Variants in FAAP20 observed in about 807,000 individuals in gnomAD.
FAAP20 encodes FA core complex associated protein 20, also known as Fanconi anemia core complex-associated protein 20.
A neutral mutation model predicts 16.2 loss-of-function variants in FAAP20; 12 were observed. That is an observed-to-expected ratio of 0.74 (90% CI 0.48 to 1.20). The LOEUF (loss-of-function observed/expected upper bound fraction) is 1.20, where lower values mean the gene tolerates loss of function less well. FAAP20 is among the 50% of genes most tolerant of loss of function. The pLI is 0.00. For missense variants in FAAP20, 288 were observed against 245.8 expected, an observed-to-expected ratio of 1.17 and a Z score of -1.15; for synonymous variants, 141 against 110.7, an observed-to-expected ratio of 1.27 and a Z score of -1.72.
At chr1:2,186,497 C>CA (rs921172617), downstream of FAAP20, among the ~76,000 whole-genome samples, 1 of 56,548 alleles carries the variant, frequency 1.8e-5, no homozygotes, top group Admixed American at 1.9e-4. Context: ...TGGACACCCG[C>CA]CCCCCCCCGG....
upstream of FAAP20, chr1:2,201,341 G>A (rs937807936): frequency 6.1e-6 from 5 of 820,090 alleles, no homozygotes; most frequent in Non-Finnish European, 7.7e-6. Context: ...GGAAGGACTG[G>A]GACACCCGTG....
chr1:2,189,502 A>G, downstream of FAAP20: 1 of 605,262 alleles, frequency 1.7e-6, no homozygotes, highest in Non-Finnish European at 3.0e-6. Context: ...ATTGCACTGC[A>G]GTGAATCTGC....
upstream of FAAP20, chr1:2,200,942 G>C (rs1689025726): frequency 7.6e-6 from 9 of 1,179,424 alleles, no homozygotes; most frequent in South Asian, 1.3e-4. Flanking sequence ...AATCAGCTTT[G>C]TCCCCAGTTC....
At chr1:2,202,231 C>A (rs1387450355), upstream of FAAP20, among the ~76,000 whole-genome samples, 1 of 152,212 alleles carries the variant, frequency 6.6e-6, no homozygotes, top group African/African-American at 2.4e-5. Context: ...CTCTCCCCTA[C>A]CAGGTACCCG....
downstream of FAAP20, among the ~76,000 whole-genome samples, chr1:2,189,364 G>T (rs1004724909): frequency 2.0e-5 from 3 of 151,678 alleles, no homozygotes; most frequent in African/African-American, 7.3e-5. Flanking sequence ...AACCGTGACT[G>T]CACATGAGCT....
At chr1:2,194,940 G>T (rs1358874507), upstream of FAAP20, among the ~76,000 whole-genome samples, 1 of 151,880 alleles carries the variant, frequency 6.6e-6, no homozygotes, top group Non-Finnish European at 1.5e-5. Context: ...CACCGCACAG[G>T]GGGGCCTGGC....
chr1:2,200,310 G>C (rs866110308), upstream of FAAP20: 1 of 151,844 alleles, frequency 6.6e-6, no homozygotes, highest in South Asian at 2.1e-4. Context: ...CAGGAGAATC[G>C]CTTGAACCCA....
downstream of FAAP20, chr1:2,186,953 T>C: frequency 3.6e-6 from 1 of 274,894 alleles, no homozygotes; most frequent in South Asian, 3.2e-5. Flanking sequence ...CAGTAATTTG[T>C]TTTATAAATT....
At chr1:2,187,892 G>A (rs530438347), downstream of FAAP20, among the ~76,000 whole-genome samples, 38 of 152,326 alleles carry the variant, frequency 2.5e-4, 1 homozygote, top group South Asian at 3.5e-3. Flanking sequence ...CCCATGCCCC[G>A]GAGACCTCCT....
chr1:2,191,845 G>A, intron 3 of FAAP20: 1 of 985,426 alleles, frequency 1.0e-6, no homozygotes. Context: ...CAGGTGCCCA[G>A]CTTCCCATCC....
At chr1:2,192,903 T>G in intron 3 of FAAP20, 3 of 1,303,428 alleles carry the variant, frequency 2.3e-6, no homozygotes, top group Non-Finnish European at 3.0e-6. Context: ...CCCGGCCTTT[T>G]CTTTTGTTGT....
At chr1:2,185,155 G>A (rs1047944342), downstream of FAAP20, 66 of 794,642 alleles carry the variant, frequency 8.3e-5, 1 homozygote, top group Non-Finnish European at 2.3e-5. Flanking sequence ...AAGCGTCAGC[G>A]GGCGCTGCTG....
chr1:2,196,110 G>C (rs1034944103), upstream of FAAP20, among the ~76,000 whole-genome samples: 8 of 152,222 alleles, frequency 5.3e-5, no homozygotes, highest in African/African-American at 1.4e-4. The surrounding 1 kb of genome is among the most constrained non-coding windows in gnomAD (Gnocchi z 4.5). Flanking sequence ...GCAGGTGCCA[G>C]CTGACCAAGC....
chr1:2,211,257 T>C (rs1458509441), downstream of FAAP20, among the ~76,000 whole-genome samples: 5 of 140,378 alleles, frequency 3.6e-5, no homozygotes, highest in African/African-American at 7.9e-5. Flanking sequence ...GAGACGGAGT[T>C]TCGCTCTTGT....
chr1:2,212,656 T>G, upstream of FAAP20: 1 of 230,898 alleles, frequency 4.3e-6, no homozygotes, highest in Non-Finnish European at 8.9e-6. Flanking sequence ...TGGGTAAAAA[T>G]AGCAAACCCA....
At chr1:2,187,303 C>CTT (rs1025009836), downstream of FAAP20, 10 of 341,350 alleles carry the variant, frequency 2.9e-5, no homozygotes, top group East Asian at 1.8e-4. Flanking sequence ...TTTTCTTTTT[C>CTT]TTTTTTTTTT....
downstream of FAAP20, chr1:2,185,332 CCTG>C (rs1388639033): frequency 1.4e-6 from 1 of 718,796 alleles, no homozygotes; most frequent in South Asian, 1.5e-5. Flanking sequence ...GATGCACTGA[CCTG>C]CTCCGCCAGG....
intron 3 of FAAP20, 151 bp downstream of exon 3, chr1:2,193,488 C>T (rs765421052): frequency 1.8e-5 from 22 of 1,243,326 alleles, no homozygotes; most frequent in Non-Finnish European, 2.3e-5. Flanking sequence ...GCCACCTGGA[C>T]ATGCCAGGCC....
upstream of FAAP20, chr1:2,200,721 T>C (rs1689016194): frequency 1.0e-6 from 1 of 987,758 alleles, no homozygotes; most frequent in Non-Finnish European, 1.2e-6. Context: ...TTGAAAACGC[T>C]GAGCCCAGCT....
Sources: gnomAD v4.1 joint callset for allele counts (sites outside exome capture counted in the v4.1 genomes callset) on GRCh38, gnomAD v4.1.1 for gene constraint, Gnocchi (gnomAD v3.1) non-coding constraint, MANE v1.5 for transcripts, NCBI Gene and HGNC (gene_info 2026-07-23, HGNC 2026-07-21) for gene names.